C13orf42: variants seen among roughly 807,000 people sequenced by gnomAD.
C13orf42 encodes uncharacterized protein C13orf42.
intron 1 of C13orf42, among the ~76,000 whole-genome samples, chr13:51,139,057 C>G (rs1045935054): frequency 1.3e-5 from 2 of 152,122 alleles, no homozygotes; most frequent in African/African-American, 4.8e-5. Context: ...TAGTTCACAC[C>G]TGTAATCCTG....
rs1953559846 is a variant in C13orf42, at chr13:51,124,381, T to C, written n.137-11159A>G. ...TCTCTCTATTGCAATTCCCCTGTCT[T>C]GATAAATCGGCTGTCTAGGCTGCGG... On this transcript the variant is annotated intron_variant and non_coding_transcript_variant, in intron 1 of 4. Transcript: ENST00000433280. Among the ~76,000 whole-genome samples the C allele has an allele frequency of 2.6e-5, 4 of 152,204 alleles. No individual in the cohort carries two copies. In the South Asian group the frequency reaches 8.3e-4, roughly 32 times the overall value.
intron 1 of C13orf42, among the ~76,000 whole-genome samples, chr13:51,090,191 CT>C (rs912258426): frequency 3.9e-5 from 6 of 152,168 alleles, no homozygotes; most frequent in Non-Finnish European, 8.8e-5. Flanking sequence ...TGCATTTTCT[CT>C]TGCTGCTTCC....
intron 1 of C13orf42, chr13:51,161,958 C>G: frequency 2.1e-6 from 1 of 466,558 alleles, no homozygotes; most frequent in Non-Finnish European, 4.2e-6. Context: ...TTGTATTCAT[C>G]TCTGGTTACC....
intron 1 of C13orf42, among the ~76,000 whole-genome samples, chr13:51,137,752 A>G (rs1222693658): frequency 6.6e-6 from 1 of 152,144 alleles, no homozygotes; most frequent in Non-Finnish European, 1.5e-5. Flanking sequence ...AAACTCTGGA[A>G]GTTTTAGGAA....
rs201730739 is a variant in C13orf42 at position 51,085,137 on chromosome 13, CA to C, written c.803+181del. ...TGCACCAGGCTAGAGTGCAGACTAC[CA>C]AAAAAAAATGTTGAAACTAAGACCT... On this transcript the variant is annotated intron_variant, in intron 3 of 3. Coordinates refer to ENST00000563710, the MANE Select transcript of C13orf42 (RefSeq NM_001351589.3). 1.9e-3 allele frequency among the ~76,000 whole-genome samples: 277 copies of C among 143,448 alleles called. 1 individual carries two copies. Among genetic ancestry groups the C allele is most frequent in the Admixed American group, 7.5e-3 (108 of 14,432 alleles). 94.1% of individuals were successfully genotyped at this position (143,448 alleles called of 152,430 possible).
intron 1 of C13orf42, among the ~76,000 whole-genome samples, chr13:51,101,172 T>TA (rs1171019483): frequency 1.3e-5 from 2 of 152,228 alleles, no homozygotes; most frequent in Non-Finnish European, 2.9e-5. Context: ...ATCCTTATAC[T>TA]AAAAAATTCT....
chr13:51,104,073 A>C (rs1953322963), intron 1 of C13orf42, among the ~76,000 whole-genome samples: 1 of 152,234 alleles, frequency 6.6e-6, no homozygotes, highest in South Asian at 2.1e-4. Flanking sequence ...TATTTAAAGA[A>C]ATAATTGTCA....
intron 1 of C13orf42, among the ~76,000 whole-genome samples, chr13:51,098,369 CT>C (rs1297526983): frequency 1.3e-5 from 2 of 151,946 alleles, no homozygotes; most frequent in Non-Finnish European, 1.5e-5. Context: ...ATCCAGCCCC[CT>C]CTCACCTCTT....
chr13:51,161,511 T>C (rs1953864098), intron 1 of C13orf42, among the ~76,000 whole-genome samples: 1 of 152,126 alleles, frequency 6.6e-6, no homozygotes, highest in Non-Finnish European at 1.5e-5. Context: ...TATCAGGCTC[T>C]TACACTCGAG....
intron 1 of C13orf42, among the ~76,000 whole-genome samples, chr13:51,144,723 C>T (rs1260115340): frequency 6.6e-6 from 1 of 152,106 alleles, no homozygotes; most frequent in African/African-American, 2.4e-5. Flanking sequence ...GTGTAGAAGC[C>T]CCAGATTTAT....
At chr13:51,122,966 G>C (rs61354950) in intron 1 of C13orf42, among the ~76,000 whole-genome samples, 1,996 of 152,314 alleles carry the variant, frequency 0.013, 39 homozygotes, top group African/African-American at 0.046. Context: ...GGGGAGAAAG[G>C]AGATGTTCTG....
intron 1 of C13orf42, among the ~76,000 whole-genome samples, chr13:51,169,017 T>A (rs1953924224): frequency 6.6e-6 from 1 of 152,214 alleles, no homozygotes; most frequent in South Asian, 2.1e-4. Flanking sequence ...GCTTTATAAA[T>A]AACCCAGTTT....
intron 1 of C13orf42, among the ~76,000 whole-genome samples, chr13:51,128,059 T>G (rs1041726735): frequency 6.6e-6 from 1 of 152,100 alleles, no homozygotes; most frequent in Non-Finnish European, 1.5e-5. Flanking sequence ...ACTGCTACAC[T>G]CCCATCAGCA....
intron 1 of C13orf42, among the ~76,000 whole-genome samples, chr13:51,139,707 T>A (rs529663861): frequency 6.6e-6 from 1 of 152,268 alleles, no homozygotes; most frequent in South Asian, 2.1e-4. Context: ...GACAGTTTGT[T>A]TACAAATGCC....
chr13:51,124,680 G>A (rs1020329000), intron 1 of C13orf42, among the ~76,000 whole-genome samples: 1 of 152,268 alleles, frequency 6.6e-6, no homozygotes, highest in South Asian at 2.1e-4. Flanking sequence ...TGGCATCTAG[G>A]CTTCTTATCA....
intron 1 of C13orf42, among the ~76,000 whole-genome samples, chr13:51,171,175 A>G (rs1488065705): frequency 1.3e-5 from 2 of 152,026 alleles, no homozygotes; most frequent in African/African-American, 2.4e-5. Flanking sequence ...TGTGTTCTCA[A>G]AAACTTAAAA....
At chr13:51,154,310 C>CT (rs1171670787) in intron 1 of C13orf42, among the ~76,000 whole-genome samples, 1 of 152,310 alleles carries the variant, frequency 6.6e-6, no homozygotes, top group Admixed American at 6.5e-5. Context: ...GCAACTATCT[C>CT]TTTGAGTCCC....
intron 1 of C13orf42, among the ~76,000 whole-genome samples, chr13:51,161,055 C>G (rs1176329253): frequency 6.9e-6 from 1 of 144,126 alleles, no homozygotes; most frequent in Non-Finnish European, 1.5e-5. Context: ...TAAGAGAGTT[C>G]CACACTGCTG....
chr13:51,092,226 A>G (rs1354524020), intron 1 of C13orf42, among the ~76,000 whole-genome samples: 4 of 152,188 alleles, frequency 2.6e-5, no homozygotes, highest in Admixed American at 6.5e-5. Flanking sequence ...ATAAACCACA[A>G]GTTATGCCAC....
Sources: gnomAD v4.1 joint callset for allele counts (sites outside exome capture counted in the v4.1 genomes callset) on GRCh38, gnomAD v4.1.1 for gene constraint, MANE v1.5 for transcripts, NCBI Gene and HGNC (gene_info 2026-07-23, HGNC 2026-07-21) for gene names.